The following COA8 variants were observed in gnomAD, a reference collection of about 807,000 sequenced individuals.
COA8 encodes cytochrome c oxidase assembly factor 8, also known as UPF0671 protein C14orf153.
COA8 carries 20 observed loss-of-function variants against 22.0 expected under a neutral mutation model. That is an observed-to-expected ratio of 0.91 (90% CI 0.64 to 1.32). COA8 has a LOEUF of 1.32. COA8 is among the 40% of genes most tolerant of loss of function. COA8 has a pLI of 0.00. For missense variants in COA8, 266 were observed against 230.0 expected (o/e 1.16, Z -1.01); for synonymous variants, 105 against 79.9 (o/e 1.31, Z -1.68).
At chr14:103,574,191 G>T (rs767151805) in intron 3 of COA8, 21 bp downstream of exon 3, 9 of 1,492,842 alleles carry the variant, frequency 6.0e-6, no homozygotes, top group Middle Eastern at 1.8e-4. Context: ...TTGTTTGATT[G>T]TTTTTTTTGC....
At chr14:103,573,272 C>T (rs1204572262) in intron 2 of COA8, among the ~76,000 whole-genome samples, 4 of 151,278 alleles carry the variant, frequency 2.6e-5, no homozygotes, top group Non-Finnish European at 4.4e-5. Context: ...CTGGTTCAAG[C>T]GATTCTCCTG....
chr14:103,575,726 G>T (rs768402456), intron 3 of COA8, among the ~76,000 whole-genome samples: 9 of 152,048 alleles, frequency 5.9e-5, no homozygotes, highest in Admixed American at 2.6e-4. Flanking sequence ...TTGAGTCAGG[G>T]TCTCACTCTG....
chr14:103,585,063 A>C (rs558746552), intron 3 of COA8, among the ~76,000 whole-genome samples: 4 of 151,524 alleles, frequency 2.6e-5, no homozygotes, highest in Admixed American at 6.6e-5. Flanking sequence ...GCTTGAACCC[A>C]GAAGGCAGAG....
chr14:103,588,132 A>C (rs942683492), intron 4 of COA8: 30 of 315,858 alleles, frequency 9.5e-5, no homozygotes, highest in African/African-American at 6.1e-4. Context: ...AAAAAAAAAA[A>C]AAAAAAAACG....
At chr14:103,563,248 C>A (rs1316300017) in intron 1 of COA8, 124 bp downstream of exon 1, 3 of 1,334,414 alleles carry the variant, frequency 2.2e-6, no homozygotes, top group East Asian at 5.0e-5. Flanking sequence ...GCTCTCGCGT[C>A]CTATCCCGAA....
In COA8 at chr14:103,581,583, C is replaced by G. The variant is rs532485915; in HGVS notation, c.386-5691C>G. 2.5e-6 allele frequency: 1 copy of G among 399,046 alleles called. No homozygotes were observed. The highest frequency in any genetic ancestry group is 3.6e-5 in the East Asian group (1 of 28,092). 24.7% of individuals were successfully genotyped at this position (399,046 alleles called of 1,614,324 possible). A position where few individuals can be genotyped will look rare whatever the true frequency, so the allele number is the denominator to read the frequency against. ...AATATTTTCAGACCCCACTTTACCT[C>G]GGGTAACTGAAACCATGGAAAGAAA... On this transcript the variant is annotated intron_variant, in intron 3 of 4. Transcript: ENST00000409074. This position sits in a 1 kb window ranked among gnomAD's most constrained non-coding sequence, Gnocchi z 4.1.
chr14:103,579,022 C>T (rs1371357958), intron 3 of COA8, among the ~76,000 whole-genome samples: 1 of 152,216 alleles, frequency 6.6e-6, no homozygotes, highest in Non-Finnish European at 1.5e-5. Context: ...GTCTTGGCCT[C>T]TGTCCATCCC....
chr14:103,568,569 ACG>A (rs1491332990), intron 1 of COA8, among the ~76,000 whole-genome samples: 16 of 104,882 alleles, frequency 1.5e-4, no homozygotes, highest in African/African-American at 2.1e-4. Context: ...ACACATATAT[ACG>A]TGTGTGTGTA....
chr14:103,571,836 A>G lies in COA8; in HGVS notation c.321+16A>G, dbSNP rs763519336. On this transcript the variant is annotated intron_variant, in intron 2 of 4. Coordinates refer to ENST00000409074, the MANE Select transcript of COA8 (RefSeq NM_001370595.2). ...TTTTAGTAAGGTAAGTTTAAGTTTT[A>G]GATCAGAACGGAAGGGTGCGGTGGC... 1 of 1,610,784 alleles carries G rather than the reference A, an allele frequency of 6.2e-7. No homozygotes were observed. Among genetic ancestry groups the G allele is most frequent in the East Asian group, 2.2e-5 (1 of 44,874 alleles).
chr14:103,579,638 C>G (rs890761559), intron 3 of COA8: 3 of 151,740 alleles, frequency 2.0e-5, no homozygotes, highest in Admixed American at 1.3e-4. Flanking sequence ...CATGAGCCAC[C>G]GCGCCCGGCC....
At chr14:103,570,122 G>T (rs1172520025) in intron 1 of COA8, among the ~76,000 whole-genome samples, 6 of 152,138 alleles carry the variant, frequency 3.9e-5, no homozygotes, top group Non-Finnish European at 8.8e-5. Context: ...CTCCCAAAGT[G>T]CTGGGATTAC....
intron 2 of COA8, among the ~76,000 whole-genome samples, 167 bp downstream of exon 2, chr14:103,571,987 C>CGTG (rs2076191338): frequency 6.6e-6 from 1 of 152,002 alleles, no homozygotes; most frequent in Non-Finnish European, 1.5e-5. Context: ...ATTAGCCCGG[C>CGTG]GTGGTGGCGG....
In COA8 at chr14:103,581,412, C is replaced by T. The variant is rs1416229970; in HGVS notation, c.386-5862C>T. Among the ~76,000 whole-genome samples, 1 of 151,796 alleles carries T rather than the reference C, an allele frequency of 6.6e-6. No individual in the cohort carries two copies. Among genetic ancestry groups the T allele is most frequent in the Non-Finnish European group, 1.5e-5 (1 of 67,978 alleles). On this transcript the variant is annotated intron_variant, in intron 3 of 4. Transcript: ENST00000409074. This position sits in a 1 kb window ranked among gnomAD's most constrained non-coding sequence, Gnocchi z 4.1. ...GCTGCTGAGTAACTAACGAGTGGGG[C>T]GCGTCTACACTGTGGAGGTGCTGGA...
At position 103,571,776 on chromosome 14, in the gene COA8, T is replaced by C; in HGVS notation, c.277T>C (p.Trp93Arg). 6.2e-7 allele frequency: 1 copy of C among 1,614,114 alleles called. No individual in the cohort carries two copies. Among genetic ancestry groups the C allele is most frequent in the Non-Finnish European group, 8.5e-7 (1 of 1,180,034 alleles). The stretch of plus-strand genomic sequence containing the variant: ...AAAATTAAGACAAGAAACACAAGAA[T>C]GGAATCAACAGTTCTGGGCAAACCA... ...LRKLRQETQE[W>R]NQQFWANQNL... Residue 93 changes from tryptophan to arginine, a missense_variant, in exon 2 of 5, where the codon TGG becomes CGG. By Grantham distance (101) the Trp-to-Arg change is moderately radical (BLOSUM62 -3). Transcript: ENST00000409074.
chr14:103,571,082 A>G (rs1420590164), intron 1 of COA8, among the ~76,000 whole-genome samples: 1 of 152,228 alleles, frequency 6.6e-6, no homozygotes, highest in Non-Finnish European at 1.5e-5. Context: ...GACCTCTGGA[A>G]TGATGGCTGG....
intron 1 of COA8, among the ~76,000 whole-genome samples, chr14:103,571,325 C>T (rs1434025523): frequency 2.0e-5 from 3 of 151,824 alleles, no homozygotes; most frequent in Non-Finnish European, 4.4e-5. Flanking sequence ...GCCGAGATCT[C>T]GCCACTGCCC....
intron 4 of COA8, chr14:103,588,134 A>C (rs1041099652): frequency 1.1e-4 from 35 of 318,500 alleles, no homozygotes; most frequent in Non-Finnish European, 1.8e-4. Context: ...AAAAAAAAAA[A>C]AAAAAACGGG....
intron 1 of COA8, among the ~76,000 whole-genome samples, chr14:103,569,676 G>T (rs1050680444): frequency 6.6e-6 from 1 of 152,220 alleles, no homozygotes; most frequent in African/African-American, 2.4e-5. Context: ...CACAGTCTAG[G>T]GGGGTGGACC....
intron 2 of COA8, 83 bp from the exon 3 acceptor site, chr14:103,574,024 A>T (rs1295034072): frequency 1.4e-6 from 2 of 1,452,950 alleles, no homozygotes; most frequent in East Asian, 4.9e-5. Flanking sequence ...GTACACCGTG[A>T]GCTGTGCTCT....
Sources: gnomAD v4.1 joint callset for allele counts (sites outside exome capture counted in the v4.1 genomes callset) on GRCh38, gnomAD v4.1.1 for gene constraint, Gnocchi (gnomAD v3.1) non-coding constraint, MANE v1.5 for transcripts, NCBI Gene and HGNC (gene_info 2026-07-23, HGNC 2026-07-21) for gene names.